FHIT: variants seen among roughly 807,000 people sequenced by gnomAD.
The protein encoded by FHIT is fragile histidine triad diadenosine triphosphatase.
Under a neutral mutation model 17.9 loss-of-function variants are expected in FHIT, and 19 were observed. The observed-to-expected ratio is 1.06, with a 90% CI of 0.74 to 1.56. The LOEUF is 1.56. Ranked by LOEUF, FHIT falls within the 40% of genes most tolerant of loss-of-function variation. FHIT has a pLI of 0.00. For synonymous variants in FHIT, 81 were observed against 69.7 expected (o/e 1.16, Z -0.81); for missense variants, 248 against 189.2 (o/e 1.31, Z -1.82).
intron 3 of FHIT, among the ~76,000 whole-genome samples, chr3:60,936,910 C>A (rs532960096): frequency 6.6e-6 from 1 of 152,274 alleles, no homozygotes; most frequent in South Asian, 2.1e-4. Context: ...GTTCTTGATA[C>A]ATTTCATTGA....
intron 4 of FHIT, among the ~76,000 whole-genome samples, chr3:60,717,204 A>G (rs1467941035): frequency 6.6e-6 from 1 of 152,296 alleles, no homozygotes; most frequent in African/African-American, 2.4e-5. Context: ...GTTAAGCAAG[A>G]TAAGTAAGTT....
intron 4 of FHIT, among the ~76,000 whole-genome samples, chr3:60,635,959 G>T (rs2039573606): frequency 6.6e-6 from 1 of 152,078 alleles, no homozygotes; most frequent in Admixed American, 6.6e-5. Flanking sequence ...GCTGAATTTG[G>T]TCTTAGTTTG....
chr3:60,479,406 T>C (rs2166824), intron 5 of FHIT, among the ~76,000 whole-genome samples: 46,548 of 152,046 alleles, frequency 0.31, 7,718 homozygotes, highest in South Asian at 0.53. Flanking sequence ...GACATTTTAG[T>C]CAATTTACTG....
intron 3 of FHIT, among the ~76,000 whole-genome samples, chr3:60,846,545 ATTCAAGAC>A (rs2106890165): frequency 6.6e-6 from 1 of 152,348 alleles, no homozygotes; most frequent in South Asian, 2.1e-4. Flanking sequence ...TGCTTTGTGT[ATTCAAGAC>A]TGACAGTGAA....
chr3:61,211,158 C>A (rs921902034), intron 1 of FHIT, among the ~76,000 whole-genome samples: 1 of 151,732 alleles, frequency 6.6e-6, no homozygotes, highest in Non-Finnish European at 1.5e-5. Context: ...GGGCGCAGGA[C>A]AGTGGTTGCA....
chr3:60,633,856 T>C (rs11721114), intron 4 of FHIT, among the ~76,000 whole-genome samples: 32,565 of 152,160 alleles, frequency 0.21, 3,832 homozygotes, highest in Admixed American at 0.27. Context: ...GGACACCAAG[T>C]CCAGCTGCCA....
chr3:60,455,292 A>G (rs2032017775), intron 5 of FHIT, among the ~76,000 whole-genome samples: 1 of 152,172 alleles, frequency 6.6e-6, no homozygotes, highest in African/African-American at 2.4e-5. Context: ...TTTCTAGTCA[A>G]TGTCTTAGAT....
chr3:61,173,272 A>G (rs2038061584), intron 2 of FHIT, among the ~76,000 whole-genome samples: 1 of 151,818 alleles, frequency 6.6e-6, no homozygotes, highest in African/African-American at 2.4e-5. Flanking sequence ...GCTGCTGAAA[A>G]GAAAAAAAAA....
intron 5 of FHIT, among the ~76,000 whole-genome samples, chr3:60,022,440 G>A (rs568370088): frequency 4.6e-5 from 7 of 152,306 alleles, no homozygotes; most frequent in African/African-American, 1.7e-4. Flanking sequence ...AATGATATAC[G>A]TCACTTCTGG....
intron 4 of FHIT, among the ~76,000 whole-genome samples, chr3:60,589,433 G>C (rs565710639): frequency 7.9e-4 from 120 of 152,112 alleles, no homozygotes; most frequent in Non-Finnish European, 1.5e-3. Context: ...ACATATCCTG[G>C]AGGCCATTCT....
chr3:60,201,514 A>G (rs576972884), intron 5 of FHIT, among the ~76,000 whole-genome samples: 14 of 152,228 alleles, frequency 9.2e-5, no homozygotes, highest in South Asian at 4.1e-4. Context: ...TCAGAAGAAA[A>G]GAATCATTTA....
chr3:59,913,014 T>C lies in FHIT; in HGVS notation c.348+9332A>G, dbSNP rs891715967. Among the ~76,000 whole-genome samples the C allele has an allele frequency of 7.9e-5, 12 of 152,346 alleles. No individual in the cohort carries two copies. In the East Asian group the frequency reaches 1.9e-3, roughly 24 times the overall value. On this transcript the variant is annotated intron_variant, in intron 8 of 9. Transcript: ENST00000492590. The stretch of plus-strand genomic sequence containing the variant: ...TGGCTAGAGCATGTTGATGACTTCC[T>C]TGTGTTTAACAAAAACTATAAAAAG...
intron 2 of FHIT, among the ~76,000 whole-genome samples, chr3:61,187,552 A>G (rs958937648): frequency 6.6e-6 from 1 of 152,224 alleles, no homozygotes; most frequent in Non-Finnish European, 1.5e-5. Flanking sequence ...GATATCCAGG[A>G]ATTGAACTCA....
intron 5 of FHIT, among the ~76,000 whole-genome samples, chr3:60,380,105 G>T (rs1179618926): frequency 6.6e-6 from 1 of 152,158 alleles, no homozygotes; most frequent in African/African-American, 2.4e-5. Context: ...TTGGATGTTT[G>T]TCCCTTTCAA....
At chr3:59,956,039 C>G (rs747212143) in intron 7 of FHIT, among the ~76,000 whole-genome samples, 5 of 152,212 alleles carry the variant, frequency 3.3e-5, no homozygotes, top group Non-Finnish European at 7.3e-5. Context: ...GATCTACTCA[C>G]AAAAATCCTC....
chr3:60,817,954 T>C (rs1341581400), intron 4 of FHIT, among the ~76,000 whole-genome samples: 1 of 152,100 alleles, frequency 6.6e-6, no homozygotes, highest in Admixed American at 6.6e-5. Flanking sequence ...TTTAAGTCTT[T>C]TTTTCTGTCT....
chr3:61,203,179 CAAAA>C (rs397876939), intron 1 of FHIT, among the ~76,000 whole-genome samples: 7 of 86,328 alleles, frequency 8.1e-5, no homozygotes, highest in Admixed American at 4.4e-4. Flanking sequence ...GACTCCGTCT[CAAAA>C]AAAAAAAAAA....
At chr3:60,122,603 C>T (rs1576149738) in intron 5 of FHIT, among the ~76,000 whole-genome samples, 1 of 152,116 alleles carries the variant, frequency 6.6e-6, no homozygotes, top group East Asian at 1.9e-4. Context: ...CTCCTGAAAA[C>T]ATTCAATTCA....
intron 5 of FHIT, among the ~76,000 whole-genome samples, chr3:60,432,431 T>A (rs1245439837): frequency 6.6e-6 from 1 of 152,104 alleles, no homozygotes; most frequent in African/African-American, 2.4e-5. Context: ...CATGCTTCCA[T>A]CCATATGCGT....
Sources: gnomAD v4.1 joint callset for allele counts (sites outside exome capture counted in the v4.1 genomes callset) on GRCh38, gnomAD v4.1.1 for gene constraint, MANE v1.5 for transcripts, NCBI Gene and HGNC (gene_info 2026-07-23, HGNC 2026-07-21) for gene names.